DTD1: variants seen among roughly 807,000 people sequenced by gnomAD.
DTD1 encodes D-tyrosyl-tRNA deacylase 1 homolog.
Under a neutral mutation model 25.6 loss-of-function variants are expected in DTD1, and 13 were observed. The observed-to-expected ratio is 0.51, with a 90% CI of 0.33 to 0.81. The LOEUF is 0.81. DTD1 is among the 30% of genes least tolerant of loss of function. DTD1 has a pLI of 0.02. For missense variants in DTD1, 193 were observed against 266.4 expected (o/e 0.72, Z 1.92); for synonymous variants, 110 against 103.6 (o/e 1.06, Z -0.37).
At chr20:18,606,070 C>G (rs2060655810) in intron 3 of DTD1, among the ~76,000 whole-genome samples, 1 of 112,770 alleles carries the variant, frequency 8.9e-6, no homozygotes, top group African/African-American at 3.2e-5. Flanking sequence ...TGAACTCAAA[C>G]AAATTTACAA....
intron 3 of DTD1, among the ~76,000 whole-genome samples, chr20:18,624,675 T>G (rs191435341): frequency 1.5e-4 from 23 of 152,254 alleles, no homozygotes; most frequent in Non-Finnish European, 1.8e-4. Flanking sequence ...GACAACCATA[T>G]AGCCTTCAAC....
chr20:18,722,301 G>A (rs2061207155), intron 4 of DTD1, among the ~76,000 whole-genome samples: 2 of 152,360 alleles, frequency 1.3e-5, no homozygotes, highest in South Asian at 2.1e-4. Context: ...TCAGCATTGT[G>A]CACAATCCTA....
intron 4 of DTD1, among the ~76,000 whole-genome samples, chr20:18,725,367 A>C (rs569495125): frequency 6.6e-6 from 1 of 152,200 alleles, no homozygotes; most frequent in African/African-American, 2.4e-5. Flanking sequence ...AGTTTGGTCC[A>C]GTGTCTGAGC....
At chr20:18,716,143 T>C (rs1424198319) in intron 4 of DTD1, among the ~76,000 whole-genome samples, 2 of 152,216 alleles carry the variant, frequency 1.3e-5, no homozygotes, top group Non-Finnish European at 2.9e-5. Flanking sequence ...GAGCCATGTG[T>C]GTTTTGCAGC....
At chr20:18,727,766 A>G (rs1381707496) in intron 4 of DTD1, among the ~76,000 whole-genome samples, 1 of 152,170 alleles carries the variant, frequency 6.6e-6, no homozygotes, top group African/African-American at 2.4e-5. Context: ...ACCTTTGTGC[A>G]TGGCTTCTTT....
intron 4 of DTD1, among the ~76,000 whole-genome samples, chr20:18,669,803 A>G (rs141058311): frequency 6.4e-4 from 97 of 152,220 alleles, no homozygotes; most frequent in Middle Eastern, 3.4e-3. Context: ...TGTGTCTTGC[A>G]TACCGTGGCC....
chr20:18,670,191 T>G (rs2060946805), intron 4 of DTD1, among the ~76,000 whole-genome samples: 1 of 152,152 alleles, frequency 6.6e-6, no homozygotes, highest in Non-Finnish European at 1.5e-5. Flanking sequence ...GTGCGGTGGC[T>G]CATGCGTATA....
intron 4 of DTD1, among the ~76,000 whole-genome samples, chr20:18,642,449 C>T (rs567995012): frequency 3.9e-5 from 6 of 152,056 alleles, no homozygotes; most frequent in Non-Finnish European, 8.8e-5. Flanking sequence ...TATTTTTTAT[C>T]ATAGAGACAG....
At chr20:18,659,067 TA>T (rs139399570) in intron 4 of DTD1, among the ~76,000 whole-genome samples, 1 of 152,160 alleles carries the variant, frequency 6.6e-6, no homozygotes, top group South Asian at 2.1e-4. Flanking sequence ...AATGAATTCT[TA>T]AAAAAAAGAA....
intron 3 of DTD1, among the ~76,000 whole-genome samples, chr20:18,611,329 T>G (rs1405350128): frequency 6.6e-6 from 1 of 152,214 alleles, no homozygotes; most frequent in East Asian, 1.9e-4. Flanking sequence ...TGCTGTCTTT[T>G]GCTTAATTTT....
intron 4 of DTD1, among the ~76,000 whole-genome samples, chr20:18,700,691 G>A (rs1028570885): frequency 1.3e-5 from 2 of 152,072 alleles, no homozygotes; most frequent in Non-Finnish European, 2.9e-5. Flanking sequence ...CCCTTTTGAC[G>A]TGGCGTCAGT....
chr20:18,718,712 C>T (rs1000370312), intron 4 of DTD1, among the ~76,000 whole-genome samples: 2 of 152,284 alleles, frequency 1.3e-5, no homozygotes, highest in East Asian at 1.9e-4. Flanking sequence ...CACACACACA[C>T]CCCTCTAGGT....
intron 3 of DTD1, among the ~76,000 whole-genome samples, chr20:18,598,199 A>C (rs951669193): frequency 6.6e-6 from 1 of 150,468 alleles, no homozygotes; most frequent in Non-Finnish European, 1.5e-5. Flanking sequence ...TCCTTATTCA[A>C]CTCCCACTTA....
At chr20:18,687,772 G>A (rs1486354965) in intron 4 of DTD1, among the ~76,000 whole-genome samples, 1 of 152,080 alleles carries the variant, frequency 6.6e-6, no homozygotes, top group African/African-American at 2.4e-5. Flanking sequence ...TTGAACTTCT[G>A]AGCTCAAATG....
At chr20:18,624,099 C>T (rs758450740) in intron 3 of DTD1, among the ~76,000 whole-genome samples, 19 of 152,038 alleles carry the variant, frequency 1.2e-4, no homozygotes, top group Non-Finnish European at 2.8e-4. Flanking sequence ...TTAGGCTGCT[C>T]CTGCTGTCTT....
intron 4 of DTD1, among the ~76,000 whole-genome samples, chr20:18,655,997 C>G (rs2060890348): frequency 6.6e-6 from 1 of 152,104 alleles, no homozygotes; most frequent in South Asian, 2.1e-4. Context: ...TCTTGAACTC[C>G]CGACCTCAGA....
chr20:18,715,550 A>G (rs2061176837), intron 4 of DTD1, among the ~76,000 whole-genome samples: 1 of 152,214 alleles, frequency 6.6e-6, no homozygotes, highest in Admixed American at 6.5e-5. Context: ...AAACATCAGA[A>G]GAGGAGGCTA....
intron 4 of DTD1, among the ~76,000 whole-genome samples, chr20:18,646,426 G>C (rs1381407571): frequency 6.6e-6 from 1 of 152,148 alleles, no homozygotes; most frequent in African/African-American, 2.4e-5. Context: ...GTTAAAGGCT[G>C]GGGCAATACA....
chr20:18,748,475 G>C (rs963725224), intron 5 of DTD1, among the ~76,000 whole-genome samples: 1 of 152,154 alleles, frequency 6.6e-6, no homozygotes, highest in Non-Finnish European at 1.5e-5. Context: ...AGTAATTCCT[G>C]TAGAGAATAC....
Sources: gnomAD v4.1 joint callset for allele counts (sites outside exome capture counted in the v4.1 genomes callset) on GRCh38, gnomAD v4.1.1 for gene constraint, MANE v1.5 for transcripts, NCBI Gene and HGNC (gene_info 2026-07-23, HGNC 2026-07-21) for gene names.